Variants in DPYD observed in about 807,000 individuals in gnomAD.
DPYD encodes dihydropyrimidine dehydrogenase.
DPYD carries 109 observed loss-of-function variants against 116.2 expected under a neutral mutation model. The ratio of observed to expected loss-of-function variants is 0.94; its 90% CI spans 0.80 to 1.10. The LOEUF (loss-of-function observed/expected upper bound fraction) is 1.10, where lower values mean the gene tolerates loss of function less well. Ranked by LOEUF, DPYD falls within the 50% of genes least tolerant of loss-of-function variation. The pLI is 0.00. For synonymous variants in DPYD, 440 were observed against 432.0 expected (o/e 1.02, Z -0.23); for missense variants, 1,302 against 1,254.5 (o/e 1.04, Z -0.57).
intron 3 of DPYD, among the ~76,000 whole-genome samples, chr1:97,780,501 C>T (rs1418297488): frequency 1.3e-5 from 2 of 152,192 alleles, no homozygotes; most frequent in African/African-American, 4.8e-5. Flanking sequence ...AGAGTTCTTA[C>T]ATGTGGATAA....
At chr1:97,434,662 G>A (rs1230699429) in intron 14 of DPYD, among the ~76,000 whole-genome samples, 1 of 151,994 alleles carries the variant, frequency 6.6e-6, no homozygotes, top group Non-Finnish European at 1.5e-5. Context: ...GAAAATCCAG[G>A]TGAAAAGGAA....
At chr1:97,413,503 A>G (rs1214383796) in intron 14 of DPYD, among the ~76,000 whole-genome samples, 3 of 152,072 alleles carry the variant, frequency 2.0e-5, no homozygotes, top group Non-Finnish European at 4.4e-5. Flanking sequence ...TGGCTCTGTC[A>G]CCCAGGCTGG....
chr1:97,101,400 C>A (rs965009410), intron 20 of DPYD, among the ~76,000 whole-genome samples: 19 of 149,842 alleles, frequency 1.3e-4, no homozygotes, highest in African/African-American at 4.4e-4. Context: ...AATTCTCTCC[C>A]GCAACAAAGG....
chr1:97,471,594 CT>C (rs368888805), intron 13 of DPYD, among the ~76,000 whole-genome samples: 205 of 142,466 alleles, frequency 1.4e-3, no homozygotes, highest in Middle Eastern at 3.6e-3. Flanking sequence ...TCCCACTTTC[CT>C]TTTTTTTTTT....
intron 1 of DPYD, among the ~76,000 whole-genome samples, chr1:97,889,653 C>G (rs1169784536): frequency 1.3e-5 from 2 of 151,958 alleles, no homozygotes; most frequent in Admixed American, 6.6e-5. Context: ...TTAAACAATA[C>G]TAATTAAAGA....
chr1:97,569,713 G>A (rs1368182473), intron 11 of DPYD, among the ~76,000 whole-genome samples: 1 of 151,812 alleles, frequency 6.6e-6, no homozygotes, highest in Non-Finnish European at 1.5e-5. Context: ...AGATATTTAA[G>A]GCTGACGTTA....
At position 97,547,161 on chromosome 1, in the gene DPYD, C is replaced by G. The variant is rs559632245; in HGVS notation, c.1524+2399G>C. On this transcript the variant is annotated intron_variant, in intron 12 of 22. Transcript: ENST00000370192. ...TGAAAAATGTTAAGGCTTACTGAAA[C>G]CTTTCAAGTATGGGATGGTGCATTT... Among the ~76,000 whole-genome samples, 55 of 152,054 alleles carry G rather than the reference C, an allele frequency of 3.6e-4. 1 individual carries two copies. The highest frequency in any genetic ancestry group is 1.1e-3 in the African/African-American group (45 of 41,464).
chr1:97,274,027 ATTCT>A (rs1480413619), intron 18 of DPYD, among the ~76,000 whole-genome samples: 1 of 152,216 alleles, frequency 6.6e-6, no homozygotes, highest in Admixed American at 6.5e-5. Flanking sequence ...CCTGTGAATT[ATTCT>A]TTGATGCCTA....
intron 16 of DPYD, among the ~76,000 whole-genome samples, chr1:97,331,337 G>A (rs939231496): frequency 6.6e-6 from 1 of 152,084 alleles, no homozygotes; most frequent in African/African-American, 2.4e-5. Context: ...AGTTAGTCAG[G>A]CGTGGTGGTG....
At chr1:97,385,780 A>G (rs1672309151) in intron 14 of DPYD, among the ~76,000 whole-genome samples, 1 of 152,140 alleles carries the variant, frequency 6.6e-6, no homozygotes, top group Non-Finnish European at 1.5e-5. Flanking sequence ...CAGGGAAGCA[A>G]GGTTTAGCAG....
intron 16 of DPYD, among the ~76,000 whole-genome samples, chr1:97,330,819 T>G (rs1202107134): frequency 1.3e-5 from 2 of 152,200 alleles, no homozygotes; most frequent in Non-Finnish European, 2.9e-5. Context: ...TTGTCTTTGC[T>G]CACAGATTTT....
At chr1:97,603,828 A>G (rs977101270) in intron 8 of DPYD, among the ~76,000 whole-genome samples, 12 of 152,296 alleles carry the variant, frequency 7.9e-5, no homozygotes, top group Non-Finnish European at 1.6e-4. Context: ...TTTATGTAAT[A>G]ATTGTTAACA....
intron 10 of DPYD, among the ~76,000 whole-genome samples, chr1:97,582,745 T>C (rs1342787961): frequency 1.3e-5 from 2 of 152,204 alleles, no homozygotes; most frequent in Non-Finnish European, 2.9e-5. Flanking sequence ...TTTTTAAAGT[T>C]GAAGAATCTT....
intron 18 of DPYD, among the ~76,000 whole-genome samples, chr1:97,288,255 C>A (rs1665871677): frequency 6.9e-6 from 1 of 145,836 alleles, no homozygotes; most frequent in Non-Finnish European, 1.5e-5. Flanking sequence ...TAACACCCCA[C>A]TGTCAACATT....
At chr1:97,298,186 C>T (rs1666644644) in intron 18 of DPYD, among the ~76,000 whole-genome samples, 1 of 152,138 alleles carries the variant, frequency 6.6e-6, no homozygotes, top group Admixed American at 6.5e-5. Context: ...CTCGATGATA[C>T]TAATCTTTCT....
chr1:97,584,385 C>A (rs1037744655), intron 10 of DPYD, among the ~76,000 whole-genome samples: 7 of 151,956 alleles, frequency 4.6e-5, no homozygotes, highest in Non-Finnish European at 1.0e-4. Flanking sequence ...ATGGTGGTTT[C>A]TTTTGCTTTG....
At chr1:97,622,669 T>C (rs1386484519) in intron 8 of DPYD, among the ~76,000 whole-genome samples, 2 of 152,052 alleles carry the variant, frequency 1.3e-5, no homozygotes, top group African/African-American at 4.8e-5. Flanking sequence ...GGAAACTGAA[T>C]GTGGACTCCA....
rs56199931 is a variant in DPYD at position 97,477,604 on chromosome 1, C to CT, written c.1741-27382dup. Among the ~76,000 whole-genome samples, 203 of 113,658 alleles carry CT rather than the reference C, an allele frequency of 1.8e-3. 6 individuals are homozygous for CT. The highest frequency in any genetic ancestry group is 8.0e-3 in the East Asian group (31 of 3,872). The allele number at this position is 113,658 out of a possible 152,430, so 74.6% of individuals were successfully genotyped here. On this transcript the variant is annotated intron_variant, in intron 13 of 22. Transcript: ENST00000370192. The stretch of plus-strand genomic sequence containing the variant: ...CTGACCTCCTTCCATGACTGTTCTT[C>CT]TTTTTTTTTTTTTTTTTTTTTTTTT...
At chr1:97,828,011 A>G in intron 3 of DPYD, 103 bp downstream of exon 3, 3 of 1,113,164 alleles carry the variant, frequency 2.7e-6, no homozygotes, top group Non-Finnish European at 1.3e-6. Context: ...ACCTTAGAGA[A>G]CAGAGCTGAA....
Sources: gnomAD v4.1 joint callset for allele counts (sites outside exome capture counted in the v4.1 genomes callset) on GRCh38, gnomAD v4.1.1 for gene constraint, MANE v1.5 for transcripts, NCBI Gene and HGNC (gene_info 2026-07-23, HGNC 2026-07-21) for gene names.